CADPS2: variants seen among roughly 807,000 people sequenced by gnomAD.
CADPS2 encodes the protein calcium dependent secretion activator 2.
In CADPS2, 93 loss-of-function variants were observed where a neutral mutation model predicts 172.5. The observed-to-expected ratio is 0.54, with a 90% CI of 0.46 to 0.64. The LOEUF (loss-of-function observed/expected upper bound fraction) is 0.64. Among genes scored for constraint, CADPS2 ranks in the 30% least tolerant of loss-of-function variants. The probability of loss-of-function intolerance (pLI) is 0.00; values close to 1 mark genes in which losing one functional copy is unlikely to be tolerated. For synonymous variants in CADPS2, 546 were observed against 555.2 expected (o/e 0.98, Z 0.23); for missense variants, 1,420 against 1,565.9 (o/e 0.91, Z 1.57).
At position 122,325,537 on chromosome 7, in the gene CADPS2, A is replaced by C. The variant is rs2033656467; in HGVS notation, c.3657T>G (p.Thr1219=). 2 of 1,611,724 alleles carry C rather than the reference A, an allele frequency of 1.2e-6. No individual in the cohort carries two copies. Among genetic ancestry groups the C allele is most frequent in the African/African-American group, 2.7e-5 (2 of 74,982 alleles). The change falls in exon 29 of 30, where the codon ACT becomes ACG. Residue 1219 remains threonine (T), a synonymous_variant. Transcript: ENST00000449022. ...SSMKVICVWL[T]DRLDLQLHIY... ...TATGGAGTTGGAGGTCTAATCTATC[A>C]GTCAACCACACGCAAATGACTTTCA...
At chr7:122,466,470 G>A (rs1160775223) in intron 14 of CADPS2, among the ~76,000 whole-genome samples, 1 of 152,122 alleles carries the variant, frequency 6.6e-6, no homozygotes, top group Non-Finnish European at 1.5e-5. Context: ...CAGAACTTCA[G>A]CACAGCTTTT....
intron 1 of CADPS2, among the ~76,000 whole-genome samples, chr7:122,856,764 T>C (rs1815359890): frequency 6.6e-6 from 1 of 152,180 alleles, no homozygotes; most frequent in Non-Finnish European, 1.5e-5. Context: ...TAAAACATAG[T>C]AAGCACTGCA....
intron 2 of CADPS2, among the ~76,000 whole-genome samples, chr7:122,690,091 T>C (rs1045485774): frequency 5.3e-5 from 8 of 152,274 alleles, no homozygotes; most frequent in East Asian, 3.9e-4. Flanking sequence ...GTTAGAGACA[T>C]TGGTCACCTC....
At chr7:122,725,052 G>A (rs77307810) in intron 2 of CADPS2, among the ~76,000 whole-genome samples, 4,355 of 152,006 alleles carry the variant, frequency 0.029, 87 homozygotes, top group Middle Eastern at 0.066. Context: ...ATGTAGTTTC[G>A]GTGTAGTTCA....
At chr7:122,839,183 A>G (rs938145609) in intron 1 of CADPS2, among the ~76,000 whole-genome samples, 1 of 152,230 alleles carries the variant, frequency 6.6e-6, no homozygotes, top group African/African-American at 2.4e-5. Flanking sequence ...TGGGGAAAGG[A>G]TTCCCTATTT....
intron 2 of CADPS2, among the ~76,000 whole-genome samples, chr7:122,719,795 G>T (rs2090146095): frequency 6.6e-6 from 1 of 151,724 alleles, no homozygotes; most frequent in Non-Finnish European, 1.5e-5. Context: ...CAAGGTGATT[G>T]AAAAAAATCA....
intron 1 of CADPS2, among the ~76,000 whole-genome samples, chr7:122,868,891 A>G (rs1818993538): frequency 6.6e-6 from 1 of 152,196 alleles, no homozygotes; most frequent in Admixed American, 6.5e-5. Context: ...ATTGAGCTGA[A>G]GACTATAATA....
intron 2 of CADPS2, among the ~76,000 whole-genome samples, chr7:122,727,977 C>T (rs527478177): frequency 5.3e-5 from 8 of 152,008 alleles, no homozygotes; most frequent in South Asian, 2.1e-4. Context: ...AATGTGTTGA[C>T]ATTTTTTATC....
At chr7:122,668,508 T>C (rs1350066421) in intron 2 of CADPS2, among the ~76,000 whole-genome samples, 1 of 151,572 alleles carries the variant, frequency 6.6e-6, no homozygotes, top group African/African-American at 2.4e-5. Context: ...GGCAGGTTGG[T>C]GGTGTCAGAG....
intron 15 of CADPS2, among the ~76,000 whole-genome samples, chr7:122,450,132 T>C (rs1185863844): frequency 6.6e-6 from 1 of 152,220 alleles, no homozygotes; most frequent in Non-Finnish European, 1.5e-5. Context: ...AGTCTCAGCA[T>C]GGTCATACAG....
At chr7:122,411,259 C>T (rs1483680510) in intron 19 of CADPS2, among the ~76,000 whole-genome samples, 1 of 146,114 alleles carries the variant, frequency 6.8e-6, no homozygotes, top group Non-Finnish European at 1.5e-5. Context: ...CTTGCTCTGT[C>T]GCCCAGGCTG....
chr7:122,655,873 G>C (rs1304637531), intron 3 of CADPS2, among the ~76,000 whole-genome samples: 1 of 152,032 alleles, frequency 6.6e-6, no homozygotes, highest in African/African-American at 2.4e-5. Flanking sequence ...TCTCAGAACT[G>C]AAAGAAACTA....
chr7:122,418,036 G>A (rs1377239688), intron 17 of CADPS2, among the ~76,000 whole-genome samples: 1 of 152,080 alleles, frequency 6.6e-6, no homozygotes, highest in Non-Finnish European at 1.5e-5. Context: ...TGGGCCCGGT[G>A]GTGGGCACGT....
At chr7:122,347,568 T>C (rs2037876598) in intron 27 of CADPS2, among the ~76,000 whole-genome samples, 1 of 152,190 alleles carries the variant, frequency 6.6e-6, no homozygotes, top group Admixed American at 6.5e-5. Flanking sequence ...ATAAATGTCT[T>C]TACTGGTCTC....
At chr7:122,520,876 A>T (rs1272631080) in intron 8 of CADPS2, among the ~76,000 whole-genome samples, 2 of 152,140 alleles carry the variant, frequency 1.3e-5, no homozygotes, top group Non-Finnish European at 2.9e-5. Flanking sequence ...ATGATGAAAA[A>T]TCATCACTAA....
At position 122,612,172 on chromosome 7, in the gene CADPS2, C is replaced by T. The variant is rs1024219635; in HGVS notation, c.1223+3009G>A. 3.9e-5 allele frequency among the ~76,000 whole-genome samples: 6 copies of T among 151,920 alleles called. No individual in the cohort carries two copies. The South Asian group carries it at 1.2e-3, about 32-fold the overall frequency. The stretch of plus-strand genomic sequence containing the variant: ...ACAACACCAACATGCCTTTTCTTAC[C>T]ACTTATAGTCAACATTGAACTGGAA... On this transcript the variant is annotated intron_variant, in intron 6 of 29. Coordinates refer to ENST00000449022, the MANE Select transcript of CADPS2 (RefSeq NM_017954.11).
intron 1 of CADPS2, among the ~76,000 whole-genome samples, chr7:122,750,136 T>C (rs1413891774): frequency 6.6e-6 from 1 of 152,112 alleles, no homozygotes; most frequent in East Asian, 1.9e-4. Context: ...GGGGCTAGTT[T>C]AACTGAATGA....
intron 28 of CADPS2, among the ~76,000 whole-genome samples, chr7:122,335,083 A>G (rs2035631838): frequency 6.6e-6 from 1 of 152,236 alleles, no homozygotes; most frequent in Non-Finnish European, 1.5e-5. Flanking sequence ...CAAGACCTGA[A>G]GTTTTAATCT....
intron 2 of CADPS2, among the ~76,000 whole-genome samples, chr7:122,693,682 G>A (rs867440104): frequency 5.9e-5 from 9 of 152,208 alleles, no homozygotes; most frequent in South Asian, 2.1e-4. Context: ...GAGGCTGGGC[G>A]TAGTGGCTCG....
Sources: allele counts gnomAD v4.1 joint callset (sites outside exome capture counted in the v4.1 genomes callset), GRCh38; gene constraint gnomAD v4.1.1; transcripts MANE v1.5; gene names NCBI Gene and HGNC (gene_info 2026-07-23, HGNC 2026-07-21).